The following MAP2 variants were observed in gnomAD, a reference collection of about 807,000 sequenced individuals.
MAP2 encodes the protein microtubule-associated protein 2.
In MAP2, 14 loss-of-function variants were observed where a neutral mutation model predicts 137.6. The ratio of observed to expected loss-of-function variants is 0.10; its 90% confidence interval spans 0.07 to 0.16. The LOEUF is 0.16. MAP2 is among the 10% of genes least tolerant of loss of function. The pLI is 1.00. For missense variants in MAP2, 2,088 were observed against 2,191.5 expected, an observed-to-expected ratio of 0.95 and a Z score of 0.94; for synonymous variants, 786 against 782.3, an observed-to-expected ratio of 1.00 and a Z score of -0.08.
chr2:209,565,146 T>A (rs879146785), intron 2 of MAP2, among the ~76,000 whole-genome samples: 2 of 152,216 alleles, frequency 1.3e-5, no homozygotes, highest in Admixed American at 1.3e-4. Context: ...ACAACTCTTT[T>A]TCATTGATTG....
intron 13 of MAP2, among the ~76,000 whole-genome samples, chr2:209,718,988 G>A (rs564627375): frequency 1.1e-3 from 169 of 152,132 alleles, no homozygotes; most frequent in Non-Finnish European, 1.9e-3. Flanking sequence ...TTATAGAGGC[G>A]AAATAGTTTT....
chr2:209,508,577 C>T (rs985505731), intron 2 of MAP2, among the ~76,000 whole-genome samples: 11 of 83,216 alleles, frequency 1.3e-4, no homozygotes, highest in Non-Finnish European at 3.3e-4. Context: ...GACACACTCT[C>T]TCTGTCCCAC....
chr2:209,532,500 A>G (rs1018901792), intron 2 of MAP2, among the ~76,000 whole-genome samples: 2 of 152,140 alleles, frequency 1.3e-5, no homozygotes, highest in African/African-American at 4.8e-5. Context: ...AGTCAAGTTA[A>G]ACAATTTCCC....
At chr2:209,489,478 T>A (rs763353003) in intron 1 of MAP2, among the ~76,000 whole-genome samples, 1 of 152,044 alleles carries the variant, frequency 6.6e-6, no homozygotes, top group Non-Finnish European at 1.5e-5. Context: ...AGAAGGTGGG[T>A]AATAGCAAAC....
At chr2:209,616,873 A>T (rs1465178335) in intron 3 of MAP2, among the ~76,000 whole-genome samples, 1 of 152,186 alleles carries the variant, frequency 6.6e-6, no homozygotes, top group Admixed American at 6.6e-5. Flanking sequence ...TCAGTGAAGC[A>T]TAGGCAGCCA....
chr2:209,641,354 T>G (rs1206329170), intron 4 of MAP2, among the ~76,000 whole-genome samples: 1 of 152,196 alleles, frequency 6.6e-6, no homozygotes, highest in African/African-American at 2.4e-5. Flanking sequence ...AAATCCAAAT[T>G]ATAATTTTCC....
intron 7 of MAP2, among the ~76,000 whole-genome samples, chr2:209,691,114 T>A (rs2058741695): frequency 6.6e-6 from 1 of 151,648 alleles, no homozygotes; most frequent in Admixed American, 6.6e-5. Context: ...CTATGTGAGC[T>A]TCTTTTTTTA....
intron 3 of MAP2, among the ~76,000 whole-genome samples, chr2:209,590,815 C>T (rs1358046209): frequency 6.6e-6 from 1 of 152,130 alleles, no homozygotes; most frequent in Non-Finnish European, 1.5e-5. Context: ...ACCCAGGCAT[C>T]CTAGGCCTAG....
intron 2 of MAP2, among the ~76,000 whole-genome samples, chr2:209,512,519 A>G (rs1314511578): frequency 6.6e-6 from 1 of 151,398 alleles, no homozygotes; most frequent in Non-Finnish European, 1.5e-5. Flanking sequence ...TTGTTATAAA[A>G]GCTTCAAAAT....
intron 6 of MAP2, among the ~76,000 whole-genome samples, chr2:209,680,128 A>G (rs1357316109): frequency 1.3e-5 from 2 of 152,182 alleles, no homozygotes; most frequent in South Asian, 2.1e-4. Context: ...ATTGATTGCT[A>G]AGACCAGAAG....
rs141347402 is a variant in MAP2, at chr2:209,460,303, C to T, written c.-222+36027C>T. Among the ~76,000 whole-genome samples, 267 of 152,260 alleles carry T rather than the reference C, an allele frequency of 1.8e-3. 1 individual carries two copies. Among genetic ancestry groups the T allele is most frequent in the Admixed American group, 4.7e-3 (72 of 15,292 alleles). On this transcript the variant is annotated intron_variant, in intron 1 of 15. Transcript: ENST00000682079. ...ATCTGACTAACCGTGTTTACAATGA[C>T]GGTCTATGTCAGCTATGCCTATTCA...
intron 3 of MAP2, among the ~76,000 whole-genome samples, chr2:209,584,826 G>A (rs1413920408): frequency 1.3e-5 from 2 of 152,132 alleles, no homozygotes; most frequent in Non-Finnish European, 2.9e-5. Context: ...TGCTTGATTG[G>A]TAGGAGGAAT....
chr2:209,457,769 G>T (rs1261175012), intron 1 of MAP2, among the ~76,000 whole-genome samples: 1 of 152,090 alleles, frequency 6.6e-6, no homozygotes, highest in African/African-American at 2.4e-5. Context: ...ACATGGAGAT[G>T]GGGGATTATA....
chr2:209,474,571 G>A (rs1706678077), intron 1 of MAP2, among the ~76,000 whole-genome samples: 1 of 151,918 alleles, frequency 6.6e-6, no homozygotes, highest in Admixed American at 6.6e-5. Flanking sequence ...TTGAAGATCA[G>A]TATTGTTATA....
intron 3 of MAP2, among the ~76,000 whole-genome samples, chr2:209,596,984 A>G (rs2081459826): frequency 2.0e-5 from 3 of 152,238 alleles, no homozygotes. Flanking sequence ...AAAAAGATCC[A>G]GAATTTCAGC....
At chr2:209,516,024 G>A (rs1253641447) in intron 2 of MAP2, among the ~76,000 whole-genome samples, 1 of 151,792 alleles carries the variant, frequency 6.6e-6, no homozygotes, top group Non-Finnish European at 1.5e-5. Flanking sequence ...CAAGCTCCTG[G>A]GCTCACGCAA....
chr2:209,515,853 C>A (rs1299186816), intron 2 of MAP2, among the ~76,000 whole-genome samples: 1 of 152,254 alleles, frequency 6.6e-6, no homozygotes, highest in East Asian at 1.9e-4. Context: ...GTAGTGTGAT[C>A]ATGGCTCACT....
intron 13 of MAP2, among the ~76,000 whole-genome samples, chr2:209,717,280 G>A (rs2068071370): frequency 6.6e-6 from 1 of 152,126 alleles, no homozygotes; most frequent in Admixed American, 6.5e-5. Context: ...CTGCCACCAT[G>A]TGAAGAAGGT....
chr2:209,553,126 C>T (rs937748414), intron 2 of MAP2, among the ~76,000 whole-genome samples: 3 of 151,738 alleles, frequency 2.0e-5, no homozygotes, highest in African/African-American at 7.3e-5. Flanking sequence ...ATTCTCCTGC[C>T]TCAGCCTCCG....
Sources: gnomAD v4.1 joint callset for allele counts (sites outside exome capture counted in the v4.1 genomes callset) on GRCh38, gnomAD v4.1.1 for gene constraint, MANE v1.5 for transcripts, NCBI Gene and HGNC (gene_info 2026-07-23, HGNC 2026-07-21) for gene names.